PPP2R2C: variants seen among roughly 807,000 people sequenced by gnomAD.
PPP2R2C encodes protein phosphatase 2, regulatory subunit B, gamma.
In PPP2R2C, 10 loss-of-function variants were observed where a neutral mutation model predicts 45.3. The observed-to-expected ratio is 0.22, with a 90% CI of 0.14 to 0.37. The LOEUF (loss-of-function observed/expected upper bound fraction) is 0.37, where lower values mean the gene tolerates loss of function less well. Ranked by LOEUF, PPP2R2C falls within the 10% of genes least tolerant of loss-of-function variation. PPP2R2C has a pLI of 1.00. For synonymous variants in PPP2R2C, 257 were observed against 245.4 expected, an observed-to-expected ratio of 1.05 and a Z score of -0.44; for missense variants, 308 against 619.7, an observed-to-expected ratio of 0.50 and a Z score of 5.34.
chr4:6,497,171 C>T (rs1055888243), intron 2 of PPP2R2C, among the ~76,000 whole-genome samples: 2 of 152,082 alleles, frequency 1.3e-5, no homozygotes, highest in Non-Finnish European at 2.9e-5. Context: ...GGCAGGACAC[C>T]CAGCAGCAGG....
intron 1 of PPP2R2C, among the ~76,000 whole-genome samples, chr4:6,416,932 T>C (rs965678099): frequency 6.6e-6 from 1 of 150,444 alleles, no homozygotes; most frequent in Non-Finnish European, 1.5e-5. Flanking sequence ...TGGGAAAGAG[T>C]CCAGCCCCGC....
At chr4:6,534,833 G>A (rs1287331638) in intron 2 of PPP2R2C, among the ~76,000 whole-genome samples, 1 of 152,240 alleles carries the variant, frequency 6.6e-6, no homozygotes, top group East Asian at 1.9e-4. Flanking sequence ...GTCTGTCTGG[G>A]TCGGCCGCTC....
intron 1 of PPP2R2C, chr4:6,414,072 G>A: frequency 8.8e-7 from 1 of 1,136,218 alleles, no homozygotes; most frequent in Non-Finnish European, 1.1e-6. Context: ...AGTTTTGCCT[G>A]TGTATGTGTG....
Position 6,492,060 on chromosome 4 carries a change from T to C in PPP2R2C, c.49+43211A>G, listed in dbSNP as rs565947668. Among the ~76,000 whole-genome samples the C allele has an allele frequency of 1.4e-4, 21 of 152,186 alleles. No individual in the cohort carries two copies. In the South Asian group the frequency reaches 2.5e-3, roughly 18 times the overall value. On this transcript the variant is annotated intron_variant, in intron 2 of 9. Coordinates refer to the PPP2R2C transcript ENST00000506140. ...GGACAATAAGGAGGCTTAATCAGGA[T>C]CCTCTGATTGCAAGTGACAAAAAGC...
At chr4:6,470,815 C>T (rs1479265404) in intron 1 of PPP2R2C, among the ~76,000 whole-genome samples, 1 of 152,096 alleles carries the variant, frequency 6.6e-6, no homozygotes, top group Non-Finnish European at 1.5e-5. Context: ...GCAGCCCTGC[C>T]CCTCTCTCGC....
intron 2 of PPP2R2C, among the ~76,000 whole-genome samples, chr4:6,511,402 A>ATGGTGGTGGTGACGGTGGTGG (rs1723464878): frequency 8.2e-6 from 1 of 121,250 alleles, no homozygotes; most frequent in African/African-American, 3.2e-5. Context: ...GATGGTGGTG[A>ATGGTGGTGGTGACGGTGGTGG]TGGTGGTGGT....
chr4:6,491,483 C>A (rs1722696462), intron 2 of PPP2R2C, among the ~76,000 whole-genome samples: 1 of 152,166 alleles, frequency 6.6e-6, no homozygotes, highest in Admixed American at 6.5e-5. Flanking sequence ...GCCTTGAGAA[C>A]CAAAGAAGTG....
In PPP2R2C at chr4:6,378,016, T is replaced by C. The variant is rs1168313340; in HGVS notation, c.334+391A>G. Among the ~76,000 whole-genome samples, 1 of 152,146 alleles carries C rather than the reference T, an allele frequency of 6.6e-6. No homozygotes were observed. The highest frequency in any genetic ancestry group is 1.5e-5 in the Non-Finnish European group (1 of 68,036). On this transcript the variant is annotated intron_variant, in intron 3 of 8. Coordinates refer to ENST00000382599, the MANE Select transcript of PPP2R2C (RefSeq NM_020416.4). This position sits in a 1 kb window ranked among gnomAD's most constrained non-coding sequence, Gnocchi z 5.2. ...GAGGAGGGGTTCACTTTGTGTCAAA[T>C]ATCCCCCGTGTCTGCGACCTGCATC...
chr4:6,529,203 G>C lies in PPP2R2C; in HGVS notation c.49+6068C>G, dbSNP rs534617994. ...CATCGGCAGCAGAAGCAGAGGCCTA[G>C]TCAGCCAGCAAAGGCTCACGGTCAA... On this transcript the variant is annotated intron_variant, in intron 2 of 9. Coordinates refer to the PPP2R2C transcript ENST00000506140. 1.9e-4 allele frequency among the ~76,000 whole-genome samples: 29 copies of C among 152,330 alleles called. No homozygotes were observed. In the South Asian group the frequency reaches 6.0e-3, roughly 32 times the overall value.
At chr4:6,355,251 A>AG (rs1713043698) in intron 5 of PPP2R2C, among the ~76,000 whole-genome samples, 3 of 152,116 alleles carry the variant, frequency 2.0e-5, no homozygotes, top group Admixed American at 1.3e-4. Context: ...ATCAGGGCTC[A>AG]GGGGGCAGGA....
At chr4:6,415,125 G>A (rs1007717573) in intron 1 of PPP2R2C, among the ~76,000 whole-genome samples, 2 of 152,332 alleles carry the variant, frequency 1.3e-5, no homozygotes, top group South Asian at 2.1e-4. Flanking sequence ...CAGTGCATGC[G>A]CCTCGTCCGC....
At chr4:6,388,656 C>G (rs7680695) in intron 1 of PPP2R2C, among the ~76,000 whole-genome samples, 1 of 152,086 alleles carries the variant, frequency 6.6e-6, no homozygotes, top group African/African-American at 2.4e-5. Flanking sequence ...AATCCCAGCA[C>G]TTTGGGGGGC....
intron 1 of PPP2R2C, chr4:6,382,958 C>A (rs937014873): frequency 4.7e-6 from 5 of 1,074,764 alleles, no homozygotes; most frequent in Non-Finnish European, 5.7e-6. Context: ...GCAGCCCCCA[C>A]CTGCCGAGGC....
chr4:6,504,868 G>A (rs891416934), intron 2 of PPP2R2C, among the ~76,000 whole-genome samples: 3 of 152,168 alleles, frequency 2.0e-5, no homozygotes, highest in African/African-American at 7.2e-5. Context: ...ACAAAAGAAC[G>A]AGGCACAAAA....
chr4:6,479,693 T>C (rs1722282858), intron 2 of PPP2R2C, among the ~76,000 whole-genome samples: 1 of 152,194 alleles, frequency 6.6e-6, no homozygotes, highest in African/African-American at 2.4e-5. Flanking sequence ...CCAGGACCTT[T>C]TCAACGTAGA....
chr4:6,469,738 C>T lies in PPP2R2C; in HGVS notation c.70+2422G>A, dbSNP rs999412317. Among the ~76,000 whole-genome samples the T allele has an allele frequency of 2.7e-4, 41 of 152,222 alleles. 1 individual carries two copies. The highest frequency in any genetic ancestry group is 2.6e-3 in the Admixed American group (40 of 15,292). ...ACATGATTCAAGTCTGACATTCTGA[C>T]ATTCAAATCTGTGACCTTCCCTGTG... On this transcript the variant is annotated intron_variant, in intron 1 of 8. Coordinates refer to ENST00000382599, the MANE Select transcript of PPP2R2C (RefSeq NM_020416.4).
At chr4:6,422,708 T>C (rs922412273) in intron 1 of PPP2R2C, among the ~76,000 whole-genome samples, 3 of 152,170 alleles carry the variant, frequency 2.0e-5, no homozygotes, top group Non-Finnish European at 4.4e-5. Context: ...CACAGTCATA[T>C]TGGATCAGGG....
intron 2 of PPP2R2C, among the ~76,000 whole-genome samples, chr4:6,487,913 T>C (rs1722578232): frequency 2.0e-5 from 3 of 152,202 alleles, no homozygotes; most frequent in Admixed American, 2.0e-4. Flanking sequence ...ATTTTTGTTC[T>C]TTTTTTATCT....
chr4:6,391,567 A>G (rs17721635), intron 1 of PPP2R2C, among the ~76,000 whole-genome samples: 10,177 of 152,332 alleles, frequency 0.067, 453 homozygotes, highest in Non-Finnish European at 0.098. Flanking sequence ...GATTTGTGTT[A>G]AAGGCCATGG....
Sources: allele counts gnomAD v4.1 joint callset (sites outside exome capture counted in the v4.1 genomes callset), GRCh38; gene constraint gnomAD v4.1.1; non-coding constraint Gnocchi (gnomAD v3.1); transcripts MANE v1.5; gene names NCBI Gene and HGNC (gene_info 2026-07-23, HGNC 2026-07-21).